Variants in OR52N4 observed in about 807,000 individuals in gnomAD.
The protein encoded by OR52N4 is olfactory receptor 52N4.
In OR52N4, 15 loss-of-function variants were observed where a neutral mutation model predicts 15.0. The ratio of observed to expected loss-of-function variants is 1.00; its 90% CI spans 0.67 to 1.54. The LOEUF (loss-of-function observed/expected upper bound fraction) is 1.54, where lower values mean the gene tolerates loss of function less well. Among genes scored for constraint, OR52N4 ranks in the 40% most tolerant of loss-of-function variants. The pLI, the probability that OR52N4 is intolerant of heterozygous loss-of-function variation, is 0.00. For missense variants in OR52N4, 421 were observed against 394.0 expected, an observed-to-expected ratio of 1.07 and a Z score of -0.58; for synonymous variants, 143 against 143.7, an observed-to-expected ratio of 1.00 and a Z score of 0.03.
At chr11:5,733,771 A>C in the OR52N4 span, among the ~76,000 whole-genome samples, 1 of 152,162 alleles carries the variant, frequency 6.6e-6, no homozygotes, top group Non-Finnish European at 1.5e-5. Flanking sequence ...TTCTCCTTTA[A>C]AAATGTTTAA....
the OR52N4 span, among the ~76,000 whole-genome samples, chr11:5,734,447 C>A: frequency 2.6e-5 from 4 of 152,022 alleles, no homozygotes; most frequent in Non-Finnish European, 5.9e-5. Context: ...CTAGAAGTTA[C>A]CTTGTCTGTA....
the OR52N4 span, chr11:5,738,293 G>C: frequency 6.6e-6 from 1 of 152,214 alleles, no homozygotes; most frequent in African/African-American, 2.4e-5. Context: ...TTTGACATGA[G>C]GGTTTTCACT....
chr11:5,745,757 A>G, the OR52N4 span, among the ~76,000 whole-genome samples: 1 of 152,176 alleles, frequency 6.6e-6, no homozygotes. Flanking sequence ...AAGTAAAAAG[A>G]AAAAAATCTG....
the OR52N4 span, chr11:5,737,173 T>A: frequency 6.2e-7 from 1 of 1,613,980 alleles, no homozygotes; most frequent in Non-Finnish European, 8.5e-7. Context: ...TGGGGAGTGA[T>A]CTAAGTCTTA....
the OR52N4 span, among the ~76,000 whole-genome samples, chr11:5,743,705 C>T: frequency 6.6e-6 from 1 of 152,128 alleles, no homozygotes; most frequent in South Asian, 2.1e-4. Flanking sequence ...ACACAATATA[C>T]TAAATCATTT....
upstream of OR52N4, among the ~76,000 whole-genome samples, chr11:5,753,974 GC>G (rs1854241243): frequency 1.1e-5 from 1 of 93,294 alleles, no homozygotes; most frequent in Non-Finnish European, 2.0e-5. Flanking sequence ...GGGCAACAAA[GC>G]AAGACTCTGC....
At position 5,755,420 on chromosome 11, in the gene OR52N4, T is replaced by C; in HGVS notation, c.680T>C (p.Val227Ala). ...TCCTATACCATGATTCTCCGGGCAG[T>C]GGTCAGCCTCTCCTCAGCAGATGCT... The part of the protein sequence containing the change: ...TNSYTMILRA[V>A]VSLSSADARQ... Residue 227 changes from valine to alanine, a missense_variant, in exon 2 of 2, where the codon GTG becomes GCG. By Grantham distance (64) the Val-to-Ala change is moderately conservative (BLOSUM62 0). Coordinates refer to ENST00000641350, the MANE Select transcript of OR52N4 (RefSeq NM_001005175.5). 4.3e-6 allele frequency: 7 copies of C among 1,614,102 alleles called. No individual in the cohort carries two copies. The highest frequency in any genetic ancestry group is 5.9e-6 in the Non-Finnish European group (7 of 1,179,982).
the OR52N4 span, chr11:5,736,527 T>C: frequency 5.0e-6 from 8 of 1,613,484 alleles, no homozygotes; most frequent in Admixed American, 5.0e-5. Context: ...ATGAATCATA[T>C]GTCTGCATCT....
chr11:5,737,528 C>T, the OR52N4 span: 1 of 1,556,084 alleles, frequency 6.4e-7, no homozygotes, highest in African/African-American at 1.4e-5. Flanking sequence ...CTCAGCTTCT[C>T]CTAAACTGGA....
Position 5,755,903 on chromosome 11 carries a change from T to A in OR52N4, c.*197T>A. Reference sequence around the variant, plus strand: ...CCAACATTTCTATAAATTTTTTACCTTCTCACTCATGTGAAGGACCAGTCT... The same window carrying A: ...CCAACATTTCTATAAATTTTTTACCATCTCACTCATGTGAAGGACCAGTCT... On this transcript the variant is annotated 3_prime_UTR_variant, in exon 2 of 2. Transcript: ENST00000641350. 1 of 626,512 alleles carries A rather than the reference T, an allele frequency of 1.6e-6. No homozygotes were observed. Among genetic ancestry groups the A allele is most frequent in the South Asian group, 2.2e-5 (1 of 44,486 alleles). The allele number at this position is 626,512 out of a possible 1,614,324, so 38.8% of individuals were successfully genotyped here. A position where few individuals can be genotyped will look rare whatever the true frequency, so the allele number is the denominator to read the frequency against.
chr11:5,745,534 G>C, the OR52N4 span, among the ~76,000 whole-genome samples: 1 of 152,110 alleles, frequency 6.6e-6, no homozygotes, highest in Admixed American at 6.6e-5. Context: ...ATACACTGAT[G>C]AAAGTAATTT....
chr11:5,754,670 CTTG>C lies in OR52N4; in HGVS notation c.-48-20_-48-18del. On this transcript the variant is annotated intron_variant, in intron 1 of 1. Coordinates refer to ENST00000641350, the MANE Select transcript of OR52N4 (RefSeq NM_001005175.5). Reference sequence around the variant, plus strand: ...ACAGTAAAAATAACCTATATTTTCTCTTGTTTTTTTTTTTAACTCTAGGAAAGC... The same window carrying C: ...ACAGTAAAAATAACCTATATTTTCTCTTTTTTTTTTTAACTCTAGGAAAGC... 7.3e-7 allele frequency: 1 copy of C among 1,373,460 alleles called. No individual in the cohort carries two copies. The highest frequency in any genetic ancestry group is 2.4e-5 in the East Asian group (1 of 42,214). 85.1% of individuals were successfully genotyped at this position (1,373,460 alleles called of 1,614,324 possible).
At chr11:5,734,041 T>C in the OR52N4 span, 1 of 387,620 alleles carries the variant, frequency 2.6e-6, no homozygotes, top group Admixed American at 3.2e-5. Context: ...ATGAGATCTA[T>C]TATGCTTAGG....
upstream of OR52N4, among the ~76,000 whole-genome samples, chr11:5,751,089 G>A (rs11038926): frequency 0.21 from 31,176 of 151,774 alleles, 3,337 homozygotes; most frequent in South Asian, 0.25. Context: ...AATGCTAAGC[G>A]TTTTGTCTTC....
At chr11:5,736,837 T>G in the OR52N4 span, 1 of 1,613,994 alleles carries the variant, frequency 6.2e-7, no homozygotes, top group Non-Finnish European at 8.5e-7. Flanking sequence ...CTGAGTGCTT[T>G]GCTCAGATTT....
At chr11:5,736,388 T>C in the OR52N4 span, 1 of 772,490 alleles carries the variant, frequency 1.3e-6, no homozygotes, top group Non-Finnish European at 2.1e-6. Context: ...AGCACATCCA[T>C]TTAATCTATA....
chr11:5,737,171 G>A, the OR52N4 span: 1 of 1,613,924 alleles, frequency 6.2e-7, no homozygotes, highest in East Asian at 2.2e-5. Flanking sequence ...AATGGGGAGT[G>A]ATCTAAGTCT....
At chr11:5,734,419 T>A in the OR52N4 span, among the ~76,000 whole-genome samples, 2 of 152,084 alleles carry the variant, frequency 1.3e-5, no homozygotes, top group African/African-American at 4.8e-5. Context: ...TAGAAAATAT[T>A]AAGGCTCACA....
At chr11:5,732,313 T>C in the OR52N4 span, among the ~76,000 whole-genome samples, 2 of 152,202 alleles carry the variant, frequency 1.3e-5, no homozygotes, top group Admixed American at 1.3e-4. Flanking sequence ...TTCTTGTTTG[T>C]ACAAACTTCT....
Sources: allele counts gnomAD v4.1 joint callset (sites outside exome capture counted in the v4.1 genomes callset), GRCh38; gene constraint gnomAD v4.1.1; transcripts MANE v1.5; gene names NCBI Gene and HGNC (gene_info 2026-07-23, HGNC 2026-07-21).